The following SLC4A5 variants were observed in gnomAD, a reference collection of about 807,000 sequenced individuals.
SLC4A5 encodes the protein electrogenic sodium bicarbonate cotransporter 4.
A neutral mutation model predicts 120.4 loss-of-function variants in SLC4A5; 96 were observed. The observed-to-expected ratio is 0.80, with a 90% CI of 0.68 to 0.94. The LOEUF (loss-of-function observed/expected upper bound fraction) is 0.94, where lower values mean the gene tolerates loss of function less well. Among genes scored for constraint, SLC4A5 ranks in the 40% least tolerant of loss-of-function variants. SLC4A5 has a pLI of 0.00. For synonymous variants in SLC4A5, 550 were observed against 571.1 expected, an observed-to-expected ratio of 0.96 and a Z score of 0.53; for missense variants, 1,259 against 1,459.5, an observed-to-expected ratio of 0.86 and a Z score of 2.24.
At chr2:74,232,202 G>A (rs1204198757) in intron 24 of SLC4A5, among the ~76,000 whole-genome samples, 1 of 152,168 alleles carries the variant, frequency 6.6e-6, no homozygotes, top group Non-Finnish European at 1.5e-5. Context: ...GGTGGCTGAT[G>A]AAGATGAGTG....
rs189999460 is a variant in SLC4A5, at chr2:74,342,003, T to C, written c.-270+455A>G. ...CAGGGCTCCTGTCCTCAAAACTATATAAAATTGCTCAAATTATGTACTTCT... is the reference window on the plus strand; with the variant it reads ...CAGGGCTCCTGTCCTCAAAACTATACAAAATTGCTCAAATTATGTACTTCT... On this transcript the variant is annotated intron_variant, in intron 2 of 30. Coordinates refer to ENST00000394019, the Ensembl canonical transcript of SLC4A5. Among the ~76,000 whole-genome samples, 10 of 152,312 alleles carry C rather than the reference T, an allele frequency of 6.6e-5. No homozygotes were observed. The East Asian group carries it at 1.2e-3, about 18-fold the overall frequency.
chr2:74,288,771 T>C (rs1439372567), intron 7 of SLC4A5, among the ~76,000 whole-genome samples: 1 of 152,204 alleles, frequency 6.6e-6, no homozygotes, highest in Non-Finnish European at 1.5e-5. Flanking sequence ...CTGCTCCTTT[T>C]GGAAGCTCGG....
chr2:74,321,142 G>C (rs188519052), intron 5 of SLC4A5, among the ~76,000 whole-genome samples: 8 of 152,122 alleles, frequency 5.3e-5, no homozygotes, highest in African/African-American at 1.9e-4. Flanking sequence ...ATCACCACTG[G>C]ATGTAACTAT....
At chr2:74,267,966 C>G (rs965588709) in intron 8 of SLC4A5, among the ~76,000 whole-genome samples, 1 of 151,838 alleles carries the variant, frequency 6.6e-6, no homozygotes, top group Non-Finnish European at 1.5e-5. Flanking sequence ...GCCTGGGTAA[C>G]AGAGTGAGAG....
chr2:74,304,387 A>G, intron 7 of SLC4A5, 102 bp downstream of exon 7: 8 of 1,214,708 alleles, frequency 6.6e-6, no homozygotes, highest in Non-Finnish European at 9.1e-6. Flanking sequence ...AGCCATGTGG[A>G]GCGTTACCCA....
At chr2:74,264,891 T>C (rs1298774498) in intron 9 of SLC4A5, among the ~76,000 whole-genome samples, 1 of 152,188 alleles carries the variant, frequency 6.6e-6, no homozygotes, top group Non-Finnish European at 1.5e-5. Context: ...TTTTGGAGGA[T>C]GGTCTTTTCC....
At chr2:74,307,367 G>A (rs116480916) in intron 6 of SLC4A5, 12,166 of 614,868 alleles carry the variant, frequency 0.02, 153 homozygotes, top group Middle Eastern at 0.033. Flanking sequence ...CTTCCTCTTC[G>A]TGGTTCTTCT....
intron 20 of SLC4A5, 46 bp from the exon 21 acceptor site, chr2:74,239,581 G>A (rs1338559074): frequency 1.3e-6 from 2 of 1,591,478 alleles, no homozygotes; most frequent in Non-Finnish European, 1.7e-6. Flanking sequence ...TCTTCCTGAT[G>A]AGTCAGCTGT....
intron 12 of SLC4A5, among the ~76,000 whole-genome samples, chr2:74,257,327 A>T (rs1670999845): frequency 6.6e-6 from 1 of 152,130 alleles, no homozygotes; most frequent in African/African-American, 2.4e-5. Flanking sequence ...AAAAAGCAGG[A>T]ATTGACAGGA....
At chr2:74,286,345 C>G (rs762926442) in intron 7 of SLC4A5, among the ~76,000 whole-genome samples, 21 of 152,188 alleles carry the variant, frequency 1.4e-4, no homozygotes, top group Non-Finnish European at 2.1e-4. Context: ...CTTGCACACC[C>G]TTGTACCATG....
At position 74,221,351 on chromosome 2, in the gene SLC4A5, TG is replaced by T. The variant is rs972066974; in HGVS notation, c.*33+82del. On this transcript the variant is annotated intron_variant, in intron 30 of 30. Coordinates refer to ENST00000394019, the Ensembl canonical transcript of SLC4A5. The stretch of plus-strand genomic sequence containing the variant: ...CCTTCTACTGAGAGGACAGCTAGCT[TG>T]GGAAATCCTAGACCCTCCACCTTCC... 1.5e-5 allele frequency: 16 copies of T among 1,051,090 alleles called. No individual in the cohort carries two copies. In the African/African-American group the frequency reaches 2.5e-4, roughly 17 times the overall value. 65.1% of individuals were successfully genotyped at this position (1,051,090 alleles called of 1,614,324 possible).
At chr2:74,267,358 G>C (rs192656052) in intron 8 of SLC4A5, among the ~76,000 whole-genome samples, 8 of 152,158 alleles carry the variant, frequency 5.3e-5, no homozygotes, top group Non-Finnish European at 1.2e-4. Flanking sequence ...AAGGACGCTC[G>C]ATGAAGCTTT....
At chr2:74,217,541 A>G (rs891879562) in exon 31 of SLC4A5, 6 of 152,354 alleles carry the variant, frequency 3.9e-5, no homozygotes, top group African/African-American at 1.4e-4. Context: ...GGGAATAAAC[A>G]TTGAAAATTT....
chr2:74,289,381 A>C (rs1428504358), intron 7 of SLC4A5, among the ~76,000 whole-genome samples: 2 of 152,168 alleles, frequency 1.3e-5, no homozygotes, highest in African/African-American at 4.8e-5. Flanking sequence ...CAGTGGCACA[A>C]TCTTGGCTCA....
At chr2:74,271,941 G>C (rs1209867188) in intron 8 of SLC4A5, among the ~76,000 whole-genome samples, 4 of 152,036 alleles carry the variant, frequency 2.6e-5, no homozygotes, top group Admixed American at 6.6e-5. Context: ...TAATTAGCCA[G>C]GTGTGGTGGC....
intron 20 of SLC4A5, 113 bp downstream of exon 20, chr2:74,241,880 AG>A (rs1365229932): frequency 2.4e-6 from 2 of 839,088 alleles, no homozygotes; most frequent in East Asian, 3.1e-5. Flanking sequence ...GTGCAGCTGG[AG>A]TTGACCTCTG....
At chr2:74,285,969 G>T in intron 7 of SLC4A5, 67 bp from the exon 8 acceptor site, 1 of 1,490,426 alleles carries the variant, frequency 6.7e-7, no homozygotes, top group South Asian at 1.3e-5. Flanking sequence ...AAGGCCAACA[G>T]AAATGGAGTA....
chr2:74,303,339 C>G (rs573124554), intron 7 of SLC4A5, among the ~76,000 whole-genome samples: 1 of 152,186 alleles, frequency 6.6e-6, no homozygotes, highest in East Asian at 1.9e-4. Context: ...GGTCTCCTGC[C>G]AGGATACTAA....
chr2:74,264,280 C>T (rs1221459782), exon 10 of SLC4A5: 3 of 1,614,016 alleles, frequency 1.9e-6, no homozygotes, highest in Non-Finnish European at 1.7e-6. Flanking sequence ...CATCCTCAAT[C>T]TGCTTCTCAA....
Sources: allele counts gnomAD v4.1 joint callset (sites outside exome capture counted in the v4.1 genomes callset), GRCh38; gene constraint gnomAD v4.1.1; transcripts MANE v1.5; gene names NCBI Gene and HGNC (gene_info 2026-07-23, HGNC 2026-07-21).